PDE4D: variants seen among roughly 807,000 people sequenced by gnomAD.
PDE4D encodes the protein phosphodiesterase 4D, also known as 3',5'-cyclic-AMP phosphodiesterase 4D.
PDE4D carries 24 observed loss-of-function variants against 87.4 expected under a neutral mutation model. The ratio of observed to expected loss-of-function variants is 0.27; its 90% CI spans 0.20 to 0.39. PDE4D has a LOEUF of 0.39. Among genes scored for constraint, PDE4D ranks in the 10% least tolerant of loss-of-function variants. The pLI, the probability that PDE4D is intolerant of heterozygous loss-of-function variation, is 1.00. For synonymous variants in PDE4D, 384 were observed against 383.2 expected (o/e 1.00, Z -0.02); for missense variants, 714 against 1,041.0 (o/e 0.69, Z 4.32).
At chr5:59,622,752 C>T (rs1294052034) in intron 1 of PDE4D, among the ~76,000 whole-genome samples, 1 of 152,196 alleles carries the variant, frequency 6.6e-6, no homozygotes, top group East Asian at 1.9e-4. Flanking sequence ...AATTCTCAAA[C>T]AACATAAGGT....
At chr5:59,945,365 A>G (rs1757626638) in intron 3 of PDE4D, among the ~76,000 whole-genome samples, 1 of 152,224 alleles carries the variant, frequency 6.6e-6, no homozygotes, top group African/African-American at 2.4e-5. Flanking sequence ...ATCTACCAGA[A>G]AAATATTGAA....
chr5:59,233,956 C>T (rs1169891460), intron 1 of PDE4D, among the ~76,000 whole-genome samples: 1 of 152,098 alleles, frequency 6.6e-6, no homozygotes, highest in East Asian at 1.9e-4. Flanking sequence ...CTCAGGATGA[C>T]CAAATTCATG....
intron 6 of PDE4D, among the ~76,000 whole-genome samples, chr5:59,034,732 G>A (rs2153388445): frequency 2.0e-5 from 3 of 152,298 alleles, no homozygotes; most frequent in Admixed American, 2.0e-4. Context: ...CATTTGTAAA[G>A]CTGGCCTAAG....
In PDE4D at chr5:58,988,486, T is replaced by G. The variant is rs768894375; in HGVS notation, c.1552+7A>C. 1 of 1,268,630 alleles carries G rather than the reference T, an allele frequency of 7.9e-7. No homozygotes were observed. The allele number at this position is 1,268,630 out of a possible 1,614,324, so 78.6% of individuals were successfully genotyped here. A position where few individuals can be genotyped will look rare whatever the true frequency, so the allele number is the denominator to read the frequency against. On this transcript the variant is annotated splice_region_variant and intron_variant, in intron 11 of 14. Coordinates refer to ENST00000340635, the MANE Select transcript of PDE4D (RefSeq NM_001104631.2). ...AAATGTGTTCTGAAAAAATAAAGTT[T>G]ACTTACTTGTATTGATCAGAAATTG...
At chr5:59,749,616 C>T (rs537795790) in intron 1 of PDE4D, among the ~76,000 whole-genome samples, 1 of 152,244 alleles carries the variant, frequency 6.6e-6, no homozygotes, top group East Asian at 1.9e-4. Flanking sequence ...TTTCTTCAAC[C>T]TCACTGGCCT....
At chr5:60,348,679 CT>C (rs1263726777) in intron 1 of PDE4D, among the ~76,000 whole-genome samples, 1 of 151,880 alleles carries the variant, frequency 6.6e-6, no homozygotes, top group Non-Finnish European at 1.5e-5. Context: ...AATATTTGTT[CT>C]TTTTTTGCGG....
At chr5:59,075,119 C>T (rs1765477383) in intron 5 of PDE4D, among the ~76,000 whole-genome samples, 1 of 147,380 alleles carries the variant, frequency 6.8e-6, no homozygotes, top group Admixed American at 6.7e-5. Flanking sequence ...CACACACACA[C>T]ACACAATTTC....
chr5:59,499,988 T>C (rs1246019726), intron 1 of PDE4D, among the ~76,000 whole-genome samples: 1 of 151,958 alleles, frequency 6.6e-6, no homozygotes, highest in Non-Finnish European at 1.5e-5. Context: ...CATGCCAATA[T>C]CTCTCTGATG....
intron 2 of PDE4D, among the ~76,000 whole-genome samples, chr5:59,207,746 A>G (rs1210407512): frequency 6.6e-6 from 1 of 151,968 alleles, no homozygotes; most frequent in African/African-American, 2.4e-5. Flanking sequence ...AATGTATTAA[A>G]TCTGATGTAT....
intron 1 of PDE4D, among the ~76,000 whole-genome samples, chr5:60,325,998 T>C (rs77291466): frequency 0.072 from 11,024 of 152,214 alleles, 447 homozygotes; most frequent in Non-Finnish European, 0.08. Flanking sequence ...TATCAGTAGT[T>C]TGTTTCTTTT....
chr5:59,448,947 C>T (rs1188200053), intron 1 of PDE4D, among the ~76,000 whole-genome samples: 1 of 152,066 alleles, frequency 6.6e-6, no homozygotes, highest in Non-Finnish European at 1.5e-5. Flanking sequence ...TAGGGAATAT[C>T]AACAACAACA....
intron 1 of PDE4D, among the ~76,000 whole-genome samples, chr5:59,410,240 T>TTTTG (rs140779342): frequency 2.0e-5 from 3 of 151,600 alleles, no homozygotes; most frequent in Non-Finnish European, 4.4e-5. Flanking sequence ...AGTTCAAGTG[T>TTTTG]TTTGTTTGTT....
rs1580000990 is a variant in PDE4D at position 58,972,400 on chromosome 5, A to G, written c.*2264T>C. The G allele has an allele frequency of 6.5e-6, 1 of 152,684 alleles. No homozygotes were observed. The highest frequency in any genetic ancestry group is 1.5e-5 in the Non-Finnish European group (1 of 68,010). The allele number at this position is 152,684 out of a possible 1,614,324, so 9.5% of individuals were successfully genotyped here. On this transcript the variant is annotated 3_prime_UTR_variant, in exon 15 of 15. Coordinates refer to ENST00000340635, the MANE Select transcript of PDE4D (RefSeq NM_001104631.2). ...GTTGATTCCTCTTCTGCTTTATGTA[A>G]AAGATCAGAGTTATAAAGACATAAT... is the stretch of plus-strand genomic sequence containing the variant.
chr5:59,918,354 T>G (rs936157961), intron 3 of PDE4D, among the ~76,000 whole-genome samples: 5 of 152,204 alleles, frequency 3.3e-5, no homozygotes, highest in African/African-American at 7.2e-5. Flanking sequence ...ACCTTTCAAA[T>G]GATACCAAAG....
At chr5:60,083,740 T>C (rs1335201865) in intron 2 of PDE4D, among the ~76,000 whole-genome samples, 1 of 152,168 alleles carries the variant, frequency 6.6e-6, no homozygotes, top group Non-Finnish European at 1.5e-5. Context: ...TCCCAAAAAG[T>C]TTCAAGATAA....
intron 1 of PDE4D, among the ~76,000 whole-genome samples, chr5:59,401,482 A>ATCTATCTGTCTGTCTGTCTG (rs1554161255): frequency 7.4e-5 from 10 of 135,726 alleles, no homozygotes; most frequent in African/African-American, 2.7e-4. Flanking sequence ...CTATCTATCT[A>ATCTATCTGTCTGTCTGTCTG]TCTATTTTGA....
intron 2 of PDE4D, among the ~76,000 whole-genome samples, chr5:60,071,502 T>A (rs953636216): frequency 1.3e-5 from 2 of 152,126 alleles, no homozygotes; most frequent in African/African-American, 4.8e-5. Context: ...ATCTTAAAAG[T>A]CTTTTTCACA....
At chr5:60,157,997 C>G (rs6449458) in intron 2 of PDE4D, among the ~76,000 whole-genome samples, 77,179 of 151,204 alleles carry the variant, frequency 0.51, 20,115 homozygotes, top group Admixed American at 0.56. Context: ...GATAGAATAT[C>G]CTATATCCTA....
At chr5:59,202,661 T>C (rs1041115021) in intron 2 of PDE4D, among the ~76,000 whole-genome samples, 1 of 152,196 alleles carries the variant, frequency 6.6e-6, no homozygotes, top group Non-Finnish European at 1.5e-5. Flanking sequence ...TTTCCTGCGT[T>C]GTTCTCATAG....
Sources: gnomAD v4.1 joint callset for allele counts (sites outside exome capture counted in the v4.1 genomes callset) on GRCh38, gnomAD v4.1.1 for gene constraint, MANE v1.5 for transcripts, NCBI Gene and HGNC (gene_info 2026-07-23, HGNC 2026-07-21) for gene names.